STXBP6: variants seen among roughly 807,000 people sequenced by gnomAD.
The protein encoded by STXBP6 is syntaxin binding protein 6.
STXBP6 carries 21 observed loss-of-function variants against 26.9 expected under a neutral mutation model. The observed-to-expected ratio is 0.78, with a 90% CI of 0.55 to 1.12. STXBP6 has a LOEUF of 1.12. STXBP6 is among the 50% of genes most tolerant of loss of function. The pLI, the probability that STXBP6 is intolerant of heterozygous loss-of-function variation, is 0.00. For synonymous variants in STXBP6, 97 were observed against 92.6 expected, an observed-to-expected ratio of 1.05 and a Z score of -0.27; for missense variants, 232 against 257.9, an observed-to-expected ratio of 0.90 and a Z score of 0.69.
At chr14:25,035,041 C>T (rs2075526604) in intron 1 of STXBP6, among the ~76,000 whole-genome samples, 1 of 151,726 alleles carries the variant, frequency 6.6e-6, no homozygotes, top group South Asian at 2.1e-4. Flanking sequence ...ATCCCAGCTA[C>T]TCGGGAGGGT....
chr14:24,958,431 G>A (rs2073413066), intron 2 of STXBP6, among the ~76,000 whole-genome samples: 1 of 152,138 alleles, frequency 6.6e-6, no homozygotes, highest in Non-Finnish European at 1.5e-5. Context: ...TGGGGAAGAA[G>A]ATTCCTTTCT....
intron 2 of STXBP6, among the ~76,000 whole-genome samples, chr14:24,877,664 C>G (rs1448090770): frequency 6.6e-6 from 1 of 152,300 alleles, no homozygotes; most frequent in East Asian, 1.9e-4. Flanking sequence ...GAAACATGAA[C>G]TACTTAACCA....
intron 2 of STXBP6, among the ~76,000 whole-genome samples, chr14:24,927,723 A>T (rs2072229244): frequency 6.6e-6 from 1 of 152,242 alleles, no homozygotes; most frequent in African/African-American, 2.4e-5. Flanking sequence ...AAGTGACATT[A>T]GCAGAAATGT....
intron 2 of STXBP6, among the ~76,000 whole-genome samples, chr14:24,901,469 G>T (rs542868184): frequency 6.6e-6 from 1 of 152,106 alleles, no homozygotes; most frequent in Non-Finnish European, 1.5e-5. Flanking sequence ...GGCAGTTTCT[G>T]AAAAAATTAG....
intron 1 of STXBP6, among the ~76,000 whole-genome samples, chr14:25,032,466 C>T (rs576956941): frequency 6.6e-6 from 1 of 152,312 alleles, no homozygotes; most frequent in Non-Finnish European, 1.5e-5. Flanking sequence ...TCCTCAGTCA[C>T]ATTAACCAAA....
intron 1 of STXBP6, among the ~76,000 whole-genome samples, chr14:25,046,158 C>A (rs539226490): frequency 2.0e-5 from 3 of 152,252 alleles, no homozygotes; most frequent in African/African-American, 7.2e-5. Context: ...GCAAAGATAC[C>A]ATGTACTGAG....
rs1372332582 is a variant in STXBP6, at chr14:25,020,719, C to T, written c.-33+29159G>A. Among the ~76,000 whole-genome samples the T allele has an allele frequency of 2.6e-5, 4 of 152,178 alleles. No individual in the cohort carries two copies. The East Asian group carries it at 7.7e-4, about 29-fold the overall frequency. Reference sequence around the variant, plus strand: ...TCACTGTGATCAACCATTTGGGCCTCATCAGAAGTGTCACTGCACATCCCT... The same window carrying T: ...TCACTGTGATCAACCATTTGGGCCTTATCAGAAGTGTCACTGCACATCCCT... On this transcript the variant is annotated intron_variant, in intron 1 of 5. Coordinates refer to ENST00000323944, the MANE Select transcript of STXBP6 (RefSeq NM_001394410.1).
intron 2 of STXBP6, among the ~76,000 whole-genome samples, chr14:24,962,331 ATTTATTT>A (rs2073575275): frequency 7.9e-6 from 1 of 126,084 alleles, no homozygotes; most frequent in African/African-American, 3.0e-5. Context: ...TTATTTATTT[ATTTATTT>A]ATTATTTTTG....
chr14:25,046,673 A>T (rs1228319412), intron 1 of STXBP6, among the ~76,000 whole-genome samples: 1 of 152,176 alleles, frequency 6.6e-6, no homozygotes, highest in Non-Finnish European at 1.5e-5. Flanking sequence ...TGACTCAAGC[A>T]GGCTCCCACA....
intron 1 of STXBP6, among the ~76,000 whole-genome samples, chr14:25,027,539 TC>T (rs2075371207): frequency 6.6e-6 from 1 of 152,094 alleles, no homozygotes; most frequent in Non-Finnish European, 1.5e-5. Context: ...TAGCTGCTCC[TC>T]CCACCAGCCA....
chr14:25,004,530 A>C (rs1000017727), intron 1 of STXBP6, among the ~76,000 whole-genome samples: 1 of 152,230 alleles, frequency 6.6e-6, no homozygotes, highest in Non-Finnish European at 1.5e-5. Flanking sequence ...ATTAGGAGGA[A>C]CAAAGAAACA....
intron 2 of STXBP6, among the ~76,000 whole-genome samples, chr14:24,970,774 A>T (rs1312952523): frequency 2.6e-5 from 4 of 152,166 alleles, no homozygotes; most frequent in African/African-American, 9.7e-5. Context: ...ACTATAAAAA[A>T]CTGCCAAGTT....
chr14:24,881,636 G>A (rs1331386695), intron 2 of STXBP6, among the ~76,000 whole-genome samples: 1 of 152,164 alleles, frequency 6.6e-6, no homozygotes, highest in African/African-American at 2.4e-5. Context: ...CTCCCTGAAG[G>A]CAGAGGGACA....
intron 2 of STXBP6, among the ~76,000 whole-genome samples, chr14:24,875,128 G>C (rs2070088673): frequency 6.6e-6 from 1 of 152,086 alleles, no homozygotes; most frequent in African/African-American, 2.4e-5. Context: ...GAAAGCCCTG[G>C]ACCGGGAGTC....
At chr14:24,977,744 C>G (rs973628645) in intron 1 of STXBP6, among the ~76,000 whole-genome samples, 2 of 152,154 alleles carry the variant, frequency 1.3e-5, no homozygotes, top group African/African-American at 2.4e-5. Context: ...TCCCTCTGAA[C>G]TTGAAGAAAT....
At chr14:24,897,412 AAAAAAAAAAAAAAAAGG>A (rs2071034727) in intron 2 of STXBP6, among the ~76,000 whole-genome samples, 1 of 109,368 alleles carries the variant, frequency 9.1e-6, no homozygotes, top group Admixed American at 1.1e-4. Flanking sequence ...TCTGTCTCAA[AAAAAAAAAAAAAAAAGG>A]AAAAAAAAAA....
chr14:24,878,895 T>G, intron 2 of STXBP6: 1 of 372,618 alleles, frequency 2.7e-6, no homozygotes, highest in Admixed American at 2.7e-5. Flanking sequence ...AACAGAACTG[T>G]GAACTATAAA....
At chr14:25,041,741 G>T (rs745439190) in intron 1 of STXBP6, among the ~76,000 whole-genome samples, 1 of 152,204 alleles carries the variant, frequency 6.6e-6, no homozygotes, top group Non-Finnish European at 1.5e-5. Context: ...TTCCAGAAGC[G>T]CAGTGAGTCC....
intron 2 of STXBP6, among the ~76,000 whole-genome samples, chr14:24,897,335 G>A (rs1434588660): frequency 2.0e-5 from 3 of 150,292 alleles, no homozygotes; most frequent in African/African-American, 4.9e-5. Flanking sequence ...GCATGAACCC[G>A]GGAGGGGGAG....
Sources: gnomAD v4.1 joint callset for allele counts (sites outside exome capture counted in the v4.1 genomes callset) on GRCh38, gnomAD v4.1.1 for gene constraint, MANE v1.5 for transcripts, NCBI Gene and HGNC (gene_info 2026-07-23, HGNC 2026-07-21) for gene names.